Variants in SLC24A2 observed in about 807,000 individuals in gnomAD.
SLC24A2 encodes sodium/potassium/calcium exchanger 2.
Under a neutral mutation model 62.0 loss-of-function variants are expected in SLC24A2, and 36 were observed. The ratio of observed to expected loss-of-function variants is 0.58; its 90% CI spans 0.44 to 0.77. SLC24A2 has a LOEUF of 0.77. SLC24A2 is among the 30% of genes least tolerant of loss of function. The pLI is 0.00. For missense variants in SLC24A2, 846 were observed against 817.9 expected (o/e 1.03, Z -0.42); for synonymous variants, 358 against 294.0 (o/e 1.22, Z -2.23).
intron 2 of SLC24A2, among the ~76,000 whole-genome samples, chr9:19,764,428 T>C (rs1822448635): frequency 6.6e-6 from 1 of 152,256 alleles, no homozygotes; most frequent in Non-Finnish European, 1.5e-5. Flanking sequence ...CACTTTCTCC[T>C]GTGGGCATTT....
the SLC24A2 span, among the ~76,000 whole-genome samples, chr9:20,139,184 T>C: frequency 1.3e-5 from 2 of 152,180 alleles, no homozygotes; most frequent in African/African-American, 4.8e-5. Flanking sequence ...GAAACAACTC[T>C]ACTACCCAAA....
chr9:19,560,378 G>A, intron 7 of SLC24A2, among the ~76,000 whole-genome samples: 1 of 146,994 alleles, frequency 6.8e-6, no homozygotes, highest in Non-Finnish European at 1.5e-5. Context: ...CTCTAATGAA[G>A]TGATTAAGGT....
intron 6 of SLC24A2, among the ~76,000 whole-genome samples, chr9:19,573,906 C>T (rs950404212): frequency 1.3e-5 from 2 of 152,176 alleles, no homozygotes; most frequent in African/African-American, 2.4e-5. Flanking sequence ...ATTGTTTACA[C>T]CCTGGACTGT....
chr9:20,234,546 C>T, the SLC24A2 span, among the ~76,000 whole-genome samples: 4 of 152,194 alleles, frequency 2.6e-5, no homozygotes, highest in South Asian at 2.1e-4. Context: ...GCATTCATCA[C>T]GTAGCTCTCG....
the SLC24A2 span, among the ~76,000 whole-genome samples, chr9:19,925,699 C>G: frequency 6.6e-6 from 1 of 152,186 alleles, no homozygotes; most frequent in African/African-American, 2.4e-5. Context: ...CTGAGGTTCC[C>G]TGACTAGGGA....
chr9:19,608,130 TG>T (rs1436254873), intron 4 of SLC24A2, among the ~76,000 whole-genome samples: 1 of 152,210 alleles, frequency 6.6e-6, no homozygotes, highest in East Asian at 1.9e-4. Flanking sequence ...TTCACTCATT[TG>T]CCTATTCATT....
intron 2 of SLC24A2, among the ~76,000 whole-genome samples, chr9:19,674,110 C>T (rs1819497970): frequency 6.6e-6 from 1 of 152,108 alleles, no homozygotes; most frequent in Non-Finnish European, 1.5e-5. Context: ...AAAAAGACTG[C>T]ATCTTTCCTT....
intron 2 of SLC24A2, among the ~76,000 whole-genome samples, chr9:19,770,108 T>C (rs575710931): frequency 6.6e-6 from 1 of 151,484 alleles, no homozygotes; most frequent in South Asian, 2.1e-4. Context: ...AATTTCTTTA[T>C]GAGCCAGGAA....
chr9:19,850,972 T>TATATATACATATATATATATATAC, the SLC24A2 span, among the ~76,000 whole-genome samples: 2 of 47,872 alleles, frequency 4.2e-5, no homozygotes, highest in African/African-American at 9.1e-5. Flanking sequence ...TATATGTATA[T>TATATATACATATATATATATATAC]ATATATATAT....
At chr9:19,700,726 A>T (rs193151026) in intron 2 of SLC24A2, among the ~76,000 whole-genome samples, 1 of 152,302 alleles carries the variant, frequency 6.6e-6, no homozygotes, top group East Asian at 1.9e-4. Context: ...ATCTAAATAT[A>T]CCTGTGACAT....
intron 10 of SLC24A2, among the ~76,000 whole-genome samples, chr9:19,517,942 C>CAG (rs1366535506): frequency 6.0e-5 from 9 of 149,562 alleles, no homozygotes; most frequent in Non-Finnish European, 8.9e-5. Flanking sequence ...CACACACACA[C>CAG]ACACACACAC....
At chr9:20,026,420 T>C in the SLC24A2 span, among the ~76,000 whole-genome samples, 4 of 152,238 alleles carry the variant, frequency 2.6e-5, no homozygotes, top group Non-Finnish European at 2.9e-5. Flanking sequence ...GGAGCTATTA[T>C]TAGCTATTAT....
chr9:19,615,355 T>C (rs1817737036), intron 4 of SLC24A2, among the ~76,000 whole-genome samples: 1 of 152,252 alleles, frequency 6.6e-6, no homozygotes, highest in Non-Finnish European at 1.5e-5. Flanking sequence ...GCAGCGTTCA[T>C]GCCATCAACT....
intron 2 of SLC24A2, among the ~76,000 whole-genome samples, chr9:19,727,706 A>T (rs1821212039): frequency 6.6e-6 from 1 of 152,226 alleles, no homozygotes; most frequent in African/African-American, 2.4e-5. Flanking sequence ...AGAACTTTTT[A>T]AAATTAATTT....
chr9:19,982,416 C>T, the SLC24A2 span, among the ~76,000 whole-genome samples: 1 of 152,112 alleles, frequency 6.6e-6, no homozygotes, highest in Non-Finnish European at 1.5e-5. Context: ...CAGGAGTTTA[C>T]ATTTTATCCA....
intron 2 of SLC24A2, among the ~76,000 whole-genome samples, chr9:19,768,026 T>C (rs1798967026): frequency 6.6e-6 from 1 of 152,134 alleles, no homozygotes; most frequent in African/African-American, 2.4e-5. Context: ...TTCTTCTTCT[T>C]ATGAAGCCAT....
chr9:19,848,014 A>C, the SLC24A2 span, among the ~76,000 whole-genome samples: 1 of 152,330 alleles, frequency 6.6e-6, no homozygotes, highest in African/African-American at 2.4e-5. Context: ...CTACTGTTCA[A>C]ATTTGACAAC....
chr9:19,601,950 T>C (rs1836853655), intron 4 of SLC24A2, among the ~76,000 whole-genome samples: 1 of 152,228 alleles, frequency 6.6e-6, no homozygotes, highest in Admixed American at 6.5e-5. Context: ...GTGCATCAGT[T>C]GGTTTTCCTT....
the SLC24A2 span, among the ~76,000 whole-genome samples, chr9:20,253,059 T>C: frequency 6.6e-6 from 1 of 152,226 alleles, no homozygotes; most frequent in Admixed American, 6.5e-5. Flanking sequence ...CACCCACTTT[T>C]GTTGCCTATC....
Sources: allele counts gnomAD v4.1 joint callset (sites outside exome capture counted in the v4.1 genomes callset), GRCh38; gene constraint gnomAD v4.1.1; transcripts MANE v1.5; gene names NCBI Gene and HGNC (gene_info 2026-07-23, HGNC 2026-07-21).